COL5A2: variants seen among roughly 807,000 people sequenced by gnomAD.
COL5A2 encodes the protein collagen alpha-2(V) chain.
A neutral mutation model predicts 208.2 loss-of-function variants in COL5A2; 23 were observed. The ratio of observed to expected loss-of-function variants is 0.11; its 90% CI spans 0.08 to 0.16. The LOEUF is 0.16. Ranked by LOEUF, COL5A2 falls within the 10% of genes least tolerant of loss-of-function variation. COL5A2 has a pLI of 1.00. For synonymous variants in COL5A2, 625 were observed against 628.5 expected (o/e 0.99, Z 0.08); for missense variants, 1,590 against 1,956.4 (o/e 0.81, Z 3.53).
the COL5A2 span, among the ~76,000 whole-genome samples, chr2:189,418,118 A>G: frequency 6.6e-6 from 1 of 152,150 alleles, no homozygotes; most frequent in Non-Finnish European, 1.5e-5. Context: ...TTATGAACTC[A>G]CCAATAATGA....
At position 189,134,525 on chromosome 2, in the gene COL5A2, G is replaced by C. The variant is rs557983179; in HGVS notation, c.98-24076C>G. 4.8e-4 allele frequency among the ~76,000 whole-genome samples: 73 copies of C among 152,294 alleles called. 1 individual carries two copies. The highest frequency in any genetic ancestry group is 4.4e-3 in the Admixed American group (67 of 15,298). On this transcript the variant is annotated intron_variant, in intron 1 of 53. Coordinates refer to ENST00000374866, the MANE Select transcript of COL5A2 (RefSeq NM_000393.5). Reference sequence around the variant, plus strand: ...AATCGCTTGAACTCGGATGGCGGAGGTTGCAGTGAGTCAAGATTGCGCCAC... The same window carrying C: ...AATCGCTTGAACTCGGATGGCGGAGCTTGCAGTGAGTCAAGATTGCGCCAC...
chr2:189,415,404 T>C, the COL5A2 span, among the ~76,000 whole-genome samples: 12 of 152,268 alleles, frequency 7.9e-5, no homozygotes, highest in East Asian at 2.3e-3. Context: ...GTCTAAACGA[T>C]GGTCTTTTTT....
At chr2:189,146,956 A>C (rs1688051281) in intron 1 of COL5A2, among the ~76,000 whole-genome samples, 1 of 152,170 alleles carries the variant, frequency 6.6e-6, no homozygotes, top group Admixed American at 6.6e-5. Context: ...TTGTGAAACT[A>C]TATTTGTGAA....
chr2:189,082,856 C>G (rs542252229), intron 12 of COL5A2, among the ~76,000 whole-genome samples: 1 of 152,200 alleles, frequency 6.6e-6, no homozygotes, highest in African/African-American at 2.4e-5. Flanking sequence ...GACATCTGTG[C>G]TAATGACTAA....
chr2:189,277,715 T>TCATAGATC, the COL5A2 span, among the ~76,000 whole-genome samples: 21,389 of 151,996 alleles, frequency 0.14, 1,903 homozygotes, highest in South Asian at 0.2. Context: ...ATACAGATAC[T>TCATAGATC]CATAGATCCA....
At chr2:189,403,710 A>G in the COL5A2 span, among the ~76,000 whole-genome samples, 5 of 152,214 alleles carry the variant, frequency 3.3e-5, no homozygotes, top group African/African-American at 1.2e-4. Flanking sequence ...TTTACGTGAT[A>G]AATCACAATT....
chr2:189,366,132 G>T, the COL5A2 span, among the ~76,000 whole-genome samples: 1 of 152,122 alleles, frequency 6.6e-6, no homozygotes, highest in Non-Finnish European at 1.5e-5. Flanking sequence ...CCATCAAAAG[G>T]CCCTTGTAAG....
intron 4 of COL5A2, among the ~76,000 whole-genome samples, chr2:189,099,749 A>G (rs1687010727): frequency 6.6e-6 from 1 of 152,238 alleles, no homozygotes; most frequent in Admixed American, 6.5e-5. Flanking sequence ...TTCTTATGCA[A>G]CAGGGAATTT....
At chr2:189,129,557 C>A (rs73980159) in intron 1 of COL5A2, among the ~76,000 whole-genome samples, 5 of 151,916 alleles carry the variant, frequency 3.3e-5, no homozygotes, top group African/African-American at 1.2e-4. Context: ...CTCTCTTTTA[C>A]GTGCAAAAGC....
the COL5A2 span, among the ~76,000 whole-genome samples, chr2:189,373,714 A>G: frequency 6.9e-3 from 1,045 of 152,334 alleles, 9 homozygotes; most frequent in Non-Finnish European, 0.011. Flanking sequence ...TGGGTCTCAC[A>G]ATATGTGAAA....
At chr2:189,255,333 T>G in the COL5A2 span, among the ~76,000 whole-genome samples, 1 of 152,226 alleles carries the variant, frequency 6.6e-6, no homozygotes, top group Non-Finnish European at 1.5e-5. Flanking sequence ...TCATTCAACA[T>G]TTTTTCCAAT....
At chr2:189,190,781 T>C (rs1002330805) in intron 1 of COL5A2, among the ~76,000 whole-genome samples, 3 of 152,338 alleles carry the variant, frequency 2.0e-5, no homozygotes, top group East Asian at 1.9e-4. Context: ...TGCTCATCCT[T>C]CTTAAGATGG....
intron 1 of COL5A2, among the ~76,000 whole-genome samples, chr2:189,140,288 C>T (rs1687911292): frequency 6.6e-6 from 1 of 152,060 alleles, no homozygotes; most frequent in South Asian, 2.1e-4. Flanking sequence ...TATTTTCCAG[C>T]AATTGTAAAC....
Position 189,052,163 on chromosome 2 carries a change from T to C in COL5A2, c.2769+9A>G. ...ATTATCAGTGACTTGTCTCACTAAG[T>C]TGACTTACAGCAGGGCCTGGAGGTC... On this transcript the variant is annotated intron_variant, in intron 41 of 53. Coordinates refer to ENST00000374866, the MANE Select transcript of COL5A2 (RefSeq NM_000393.5). The C allele has an allele frequency of 6.2e-7, 1 of 1,612,994 alleles. No homozygotes were observed. The highest frequency in any genetic ancestry group is 8.5e-7 in the Non-Finnish European group (1 of 1,179,158).
rs536786312 is a variant in COL5A2 at position 189,109,992 on chromosome 2, A to G, written c.322+233T>C. ...AGAAATTCTCAGATTAGACATAACC[A>G]CCAAAATTCAGCCCCAAATGCTTCA... is the stretch of plus-strand genomic sequence containing the variant. On this transcript the variant is annotated intron_variant, in intron 2 of 53. Transcript: ENST00000374866. 3.1e-4 allele frequency among the ~76,000 whole-genome samples: 47 copies of G among 152,324 alleles called. No individual in the cohort carries two copies. In the South Asian group the frequency reaches 6.6e-3, roughly 21 times the overall value.
the COL5A2 span, among the ~76,000 whole-genome samples, chr2:189,309,652 A>G: frequency 6.6e-6 from 1 of 152,180 alleles, no homozygotes; most frequent in Admixed American, 6.5e-5. Context: ...CTCCTGTTTT[A>G]AAACTTGCCT....
At chr2:189,371,703 A>C in the COL5A2 span, among the ~76,000 whole-genome samples, 1 of 152,226 alleles carries the variant, frequency 6.6e-6, no homozygotes, top group African/African-American at 2.4e-5. Flanking sequence ...TGTGTGGCCT[A>C]GCTGCTTCTA....
intron 1 of COL5A2, among the ~76,000 whole-genome samples, chr2:189,156,032 CT>C (rs1559128922): frequency 6.6e-6 from 1 of 152,244 alleles, no homozygotes; most frequent in African/African-American, 2.4e-5. Context: ...CCGCCTCTTT[CT>C]TTTTTTAGAA....
At chr2:189,432,352 G>A in the COL5A2 span, among the ~76,000 whole-genome samples, 4 of 152,118 alleles carry the variant, frequency 2.6e-5, no homozygotes, top group South Asian at 6.2e-4. Flanking sequence ...AAATGTAAAT[G>A]GGCTAAATGC....
Sources: allele counts gnomAD v4.1 joint callset (sites outside exome capture counted in the v4.1 genomes callset), GRCh38; gene constraint gnomAD v4.1.1; transcripts MANE v1.5; gene names NCBI Gene and HGNC (gene_info 2026-07-23, HGNC 2026-07-21).